The following RYR2 variants were observed in gnomAD, a reference collection of about 807,000 sequenced individuals.
RYR2 encodes ryanodine receptor 2.
In RYR2, 227 loss-of-function variants were observed where a neutral mutation model predicts 601.1. That is an observed-to-expected ratio of 0.38 (90% CI 0.34 to 0.42). RYR2 has a LOEUF of 0.42. RYR2 is among the 10% of genes least tolerant of loss of function. The pLI is 1.00. For synonymous variants in RYR2, 2,223 were observed against 2,175.1 expected (o/e 1.02, Z -0.61); for missense variants, 4,646 against 6,156.5 (o/e 0.75, Z 8.21).
chr1:237,154,084 A>G (rs1219777907), intron 1 of RYR2, among the ~76,000 whole-genome samples: 3 of 152,218 alleles, frequency 2.0e-5, no homozygotes, highest in Non-Finnish European at 1.5e-5. Flanking sequence ...TCTGGGCTGC[A>G]TTGCAGTCAC....
intron 1 of RYR2, among the ~76,000 whole-genome samples, chr1:237,243,416 A>G (rs1686430533): frequency 6.6e-6 from 1 of 152,088 alleles, no homozygotes; most frequent in African/African-American, 2.4e-5. Context: ...ATTTACATTT[A>G]CGGGCTTATT....
chr1:237,585,961 C>T (rs1235213872), intron 29 of RYR2, among the ~76,000 whole-genome samples: 1 of 152,180 alleles, frequency 6.6e-6, no homozygotes, highest in African/African-American at 2.4e-5. Context: ...AACATTCCCA[C>T]TACACAGAGA....
At chr1:237,559,069 A>G (rs1431950743) in intron 27 of RYR2, among the ~76,000 whole-genome samples, 3 of 149,454 alleles carry the variant, frequency 2.0e-5, no homozygotes, top group Non-Finnish European at 3.0e-5. Context: ...ATCTCGGCTC[A>G]CTGCAACCTT....
rs141394032 is a variant in RYR2, at chr1:237,143,589, A to T, written c.48+101020A>T. On this transcript the variant is annotated intron_variant, in intron 1 of 104. Transcript: ENST00000366574. ...GGCAGAACTTACCGTGTAGAGTTCC[A>T]CTGGAGTCTCCCGTGGCCCCCTTGC... Among the ~76,000 whole-genome samples, 266 of 152,222 alleles carry T rather than the reference A, an allele frequency of 1.7e-3. 3 individuals are homozygous for T. Among genetic ancestry groups the T allele is most frequent in the African/African-American group, 6.0e-3 (248 of 41,562 alleles).
rs575212658 is a variant in RYR2, at chr1:237,460,278, G to A, written c.1612+3543G>A. 5.9e-5 allele frequency among the ~76,000 whole-genome samples: 9 copies of A among 151,990 alleles called. No individual in the cohort carries two copies. The South Asian group carries it at 8.3e-4, about 14-fold the overall frequency. ...AAAATCCCCAAATACAACGCTTCTC[G>A]CATCTCATTAGCCCAAATTGTGTCT... On this transcript the variant is annotated intron_variant, in intron 16 of 104. Coordinates refer to ENST00000366574, the MANE Select transcript of RYR2 (RefSeq NM_001035.3).
Position 237,832,656 on chromosome 1 carries a change from C to T in RYR2, c.*9C>T. 6.3e-7 allele frequency: 1 copy of T among 1,578,126 alleles called. No individual in the cohort carries two copies. The highest frequency in any genetic ancestry group is 8.7e-7 in the Non-Finnish European group (1 of 1,149,456). On this transcript the variant is annotated 3_prime_UTR_variant, in exon 105 of 105. Coordinates refer to ENST00000366574, the MANE Select transcript of RYR2 (RefSeq NM_001035.3). ...AAGACCAGCTAAATTAAACTCAGAC[C>T]CAATCACCTCTAAAAACCAAAACCC...
At chr1:237,499,823 G>C (rs1472216593) in intron 20 of RYR2, among the ~76,000 whole-genome samples, 1 of 152,172 alleles carries the variant, frequency 6.6e-6, no homozygotes, top group African/African-American at 2.4e-5. Context: ...TGAAGGTTTT[G>C]TTTATGTTTA....
Position 237,610,205 on chromosome 1 carries a change from G to T in RYR2, c.4684-557G>T, listed in dbSNP as rs1034769666. ...AGGATGGCTGAAGATGATACTGGAGGTGGAGGAGAAATAAGTAGGTTTGTT... is the reference window on the plus strand; with the variant it reads ...AGGATGGCTGAAGATGATACTGGAGTTGGAGGAGAAATAAGTAGGTTTGTT... On this transcript the variant is annotated intron_variant, in intron 35 of 104. Coordinates refer to ENST00000366574, the MANE Select transcript of RYR2 (RefSeq NM_001035.3). This position sits in a 1 kb window ranked among gnomAD's most constrained non-coding sequence, Gnocchi z 4.9. 3.3e-5 allele frequency among the ~76,000 whole-genome samples: 5 copies of T among 152,182 alleles called. No homozygotes were observed. The highest frequency in any genetic ancestry group is 9.7e-5 in the African/African-American group (4 of 41,446).
intron 42 of RYR2, among the ~76,000 whole-genome samples, chr1:237,633,292 GCAT>G (rs1680538030): frequency 2.0e-5 from 3 of 152,156 alleles, no homozygotes; most frequent in Admixed American, 1.3e-4. Context: ...CGGTAGTGAG[GCAT>G]CACAAATGAA....
intron 1 of RYR2, among the ~76,000 whole-genome samples, chr1:237,164,619 G>T (rs1239745867): frequency 6.6e-6 from 1 of 152,234 alleles, no homozygotes; most frequent in Non-Finnish European, 1.5e-5. Context: ...CTGGCTGATG[G>T]CTGGGTTAGG....
chr1:237,492,831 G>A lies in RYR2; in HGVS notation c.1828-123G>A, dbSNP rs557250249. 1.3e-3 allele frequency: 1,002 copies of A among 750,506 alleles called. 4 individuals carry two copies. Among genetic ancestry groups the A allele is most frequent in the Non-Finnish European group, 1.7e-3 (866 of 502,642 alleles). The allele number at this position is 750,506 out of a possible 1,614,324, so 46.5% of individuals were successfully genotyped here. A position where few individuals can be genotyped will look rare whatever the true frequency, so the allele number is the denominator to read the frequency against. ...AGAGTGAGATGCTGTCTGAAAGGAA[G>A]GAAGGAAGGAAGGAAGGAAGGAAGG... On this transcript the variant is annotated intron_variant, in intron 18 of 104. Transcript: ENST00000366574.
chr1:237,061,128 G>C (rs1440211961), intron 1 of RYR2, among the ~76,000 whole-genome samples: 1 of 152,112 alleles, frequency 6.6e-6, no homozygotes, highest in South Asian at 2.1e-4. Context: ...CACCTGCTTT[G>C]TATCTTTAAT....
At position 237,208,964 on chromosome 1, in the gene RYR2, A is replaced by ATATATATATATATGTG. The variant is rs1558428020; in HGVS notation, c.49-61520_49-61519insGTGTATATATATATAT. Among the ~76,000 whole-genome samples, 30 of 104,582 alleles carry ATATATATATATATGTG rather than the reference A, an allele frequency of 2.9e-4. 1 individual carries two copies. The highest frequency in any genetic ancestry group is 9.6e-4 in the African/African-American group (30 of 31,286). 68.6% of individuals were successfully genotyped at this position (104,582 alleles called of 152,430 possible). A position where few individuals can be genotyped will look rare whatever the true frequency, so the allele number is the denominator to read the frequency against. Reference sequence around the variant, plus strand: ...TATATATATATATATATATATATATATATATATATATATATATATATGTAT... The same window carrying ATATATATATATATGTG: ...TATATATATATATATATATATATATATATATATATATATGTGTATATATATATATATATATATGTAT... On this transcript the variant is annotated intron_variant, in intron 1 of 104. Coordinates refer to ENST00000366574, the MANE Select transcript of RYR2 (RefSeq NM_001035.3).
At chr1:237,364,319 C>T (rs759819523) in intron 4 of RYR2, 39 bp from the exon 5 acceptor site, 2 of 1,556,710 alleles carry the variant, frequency 1.3e-6, no homozygotes, top group Admixed American at 1.8e-5. Flanking sequence ...GAGATCGTGT[C>T]TATTTAATGT....
At chr1:237,347,896 TG>T (rs1386058031) in intron 3 of RYR2, among the ~76,000 whole-genome samples, 1 of 152,156 alleles carries the variant, frequency 6.6e-6, no homozygotes, top group Non-Finnish European at 1.5e-5. Flanking sequence ...AGCGAGGACT[TG>T]AAGAGACCTA....
chr1:237,682,776 C>T (rs1228929357), intron 62 of RYR2, among the ~76,000 whole-genome samples: 2 of 152,252 alleles, frequency 1.3e-5, no homozygotes, highest in South Asian at 2.1e-4. Flanking sequence ...TTACTTCTCC[C>T]ATTGGTATTT....
intron 2 of RYR2, among the ~76,000 whole-genome samples, chr1:237,289,238 C>T (rs1334678694): frequency 6.6e-6 from 1 of 152,134 alleles, no homozygotes; most frequent in East Asian, 1.9e-4. Context: ...GTTCTTGCAG[C>T]TGATCTGGGT....
At chr1:237,136,488 C>T (rs1184710688) in intron 1 of RYR2, among the ~76,000 whole-genome samples, 1 of 152,130 alleles carries the variant, frequency 6.6e-6, no homozygotes, top group Non-Finnish European at 1.5e-5. Flanking sequence ...AGAATCCCAA[C>T]CAGCATGTGA....
chr1:237,807,510 C>T (rs770986758), intron 99 of RYR2, among the ~76,000 whole-genome samples: 4 of 152,136 alleles, frequency 2.6e-5, no homozygotes, highest in Admixed American at 6.5e-5. Context: ...TGCCACCATG[C>T]CCGGCTAATT....
Sources: gnomAD v4.1 joint callset for allele counts (sites outside exome capture counted in the v4.1 genomes callset) on GRCh38, gnomAD v4.1.1 for gene constraint, Gnocchi (gnomAD v3.1) non-coding constraint, MANE v1.5 for transcripts, NCBI Gene and HGNC (gene_info 2026-07-23, HGNC 2026-07-21) for gene names.